The following CDH8 variants were observed in gnomAD, a reference collection of about 807,000 sequenced individuals.
The protein encoded by CDH8 is cadherin-8.
In CDH8, 17 loss-of-function variants were observed where a neutral mutation model predicts 68.1. The observed-to-expected ratio is 0.25, with a 90% confidence interval of 0.17 to 0.37. CDH8 has a LOEUF of 0.37. CDH8 is among the 10% of genes least tolerant of loss of function. The pLI, the probability that CDH8 is intolerant of heterozygous loss-of-function variation, is 1.00. For synonymous variants in CDH8, 372 were observed against 365.1 expected, an observed-to-expected ratio of 1.02 and a Z score of -0.21; for missense variants, 763 against 999.3, an observed-to-expected ratio of 0.76 and a Z score of 3.19.
chr16:61,925,878 A>C (rs1440779846), intron 2 of CDH8, among the ~76,000 whole-genome samples: 1 of 152,226 alleles, frequency 6.6e-6, no homozygotes, highest in African/African-American at 2.4e-5. Context: ...AGGTGACTCC[A>C]ACCAGGATCA....
At chr16:61,902,994 T>G (rs934370489) in intron 2 of CDH8, among the ~76,000 whole-genome samples, 5 of 152,202 alleles carry the variant, frequency 3.3e-5, no homozygotes, top group Admixed American at 2.0e-4. Context: ...ATGCACATGT[T>G]AACATTTTCA....
At chr16:62,009,681 T>C (rs1370121428) in intron 2 of CDH8, among the ~76,000 whole-genome samples, 3 of 152,186 alleles carry the variant, frequency 2.0e-5, no homozygotes, top group Non-Finnish European at 4.4e-5. Flanking sequence ...ATGCTACAGC[T>C]CTGGCGTGGT....
rs560982204 is a variant in CDH8, at chr16:62,008,848, CT to C, written c.252+12303del. ...TGATTTCTGAAAACATCTCGAAAAG[CT>C]GATTATAAATGTTCCTACAAAGTCA... On this transcript the variant is annotated intron_variant, in intron 2 of 11. Transcript: ENST00000577390. 1.4e-4 allele frequency among the ~76,000 whole-genome samples: 21 copies of C among 152,098 alleles called. No individual in the cohort carries two copies. The South Asian group carries it at 2.9e-3, about 21-fold the overall frequency.
At chr16:62,026,160 C>T (rs977928025) in intron 1 of CDH8, among the ~76,000 whole-genome samples, 2 of 152,084 alleles carry the variant, frequency 1.3e-5, no homozygotes, top group African/African-American at 4.8e-5. Context: ...TTTAAGCTTC[C>T]GAATGACCAT....
At chr16:61,734,161 T>C (rs971280911) in intron 8 of CDH8, among the ~76,000 whole-genome samples, 2 of 152,040 alleles carry the variant, frequency 1.3e-5, no homozygotes, top group Admixed American at 6.6e-5. Flanking sequence ...GACTGAGAGA[T>C]ATGAAGAAAA....
intron 10 of CDH8, among the ~76,000 whole-genome samples, chr16:61,673,038 T>G (rs748820568): frequency 2.6e-4 from 40 of 152,082 alleles, no homozygotes; most frequent in Non-Finnish European, 5.9e-5. Context: ...TGAACCAAAT[T>G]CTGAAACTCT....
chr16:61,762,369 A>G (rs1314606531), intron 8 of CDH8, among the ~76,000 whole-genome samples: 1 of 152,198 alleles, frequency 6.6e-6, no homozygotes, highest in Admixed American at 6.5e-5. Context: ...GTCTCTCTGT[A>G]TTATTTCTTA....
chr16:61,844,743 G>T (rs187129612), intron 4 of CDH8, among the ~76,000 whole-genome samples: 1 of 152,272 alleles, frequency 6.6e-6, no homozygotes, highest in Admixed American at 6.5e-5. Context: ...ATGGGTCAGG[G>T]TGGGTTCCTT....
chr16:61,684,660 T>C (rs1964074613), intron 10 of CDH8, among the ~76,000 whole-genome samples: 1 of 152,022 alleles, frequency 6.6e-6, no homozygotes, highest in South Asian at 2.1e-4. Flanking sequence ...AATCATTTTT[T>C]GGCCGTCCAG....
At chr16:61,778,182 G>C (rs1167228680) in intron 8 of CDH8, among the ~76,000 whole-genome samples, 1 of 151,964 alleles carries the variant, frequency 6.6e-6, no homozygotes, top group Admixed American at 6.6e-5. Context: ...CTCAATAATA[G>C]CTTCTCTCCC....
chr16:61,860,712 A>G (rs1963134760), intron 3 of CDH8, among the ~76,000 whole-genome samples: 1 of 152,198 alleles, frequency 6.6e-6, no homozygotes, highest in African/African-American at 2.4e-5. Context: ...CAGTCACTGC[A>G]TATGTAATCG....
At chr16:61,877,900 A>G (rs183439526) in intron 3 of CDH8, among the ~76,000 whole-genome samples, 1 of 152,296 alleles carries the variant, frequency 6.6e-6, no homozygotes, top group African/African-American at 2.4e-5. Flanking sequence ...AAAGAAAAAG[A>G]AATTGAATGA....
At chr16:61,699,808 A>G (rs1964389182) in intron 10 of CDH8, among the ~76,000 whole-genome samples, 1 of 152,022 alleles carries the variant, frequency 6.6e-6, no homozygotes, top group Non-Finnish European at 1.5e-5. Context: ...ACTCCTGACC[A>G]TAGGTGATCT....
At chr16:61,920,904 C>G (rs1460175666) in intron 2 of CDH8, among the ~76,000 whole-genome samples, 2 of 137,200 alleles carry the variant, frequency 1.5e-5, no homozygotes, top group Non-Finnish European at 3.1e-5. Flanking sequence ...CACATATACA[C>G]CATGGAATAC....
At chr16:61,726,998 C>A in intron 9 of CDH8, 96 bp downstream of exon 9, 1 of 1,314,286 alleles carries the variant, frequency 7.6e-7, no homozygotes, top group South Asian at 1.3e-5. Context: ...CTTTGCAGAT[C>A]ATAAATGATG....
chr16:61,862,655 GTCAAGTGAT>G (rs1175604512), intron 3 of CDH8, among the ~76,000 whole-genome samples: 1 of 152,130 alleles, frequency 6.6e-6, no homozygotes, highest in Non-Finnish European at 1.5e-5. Context: ...GGGTGCATTT[GTCAAGTGAT>G]TGCCCATGGG....
At chr16:61,953,103 T>C (rs1964923045) in intron 2 of CDH8, among the ~76,000 whole-genome samples, 2 of 152,162 alleles carry the variant, frequency 1.3e-5, no homozygotes, top group Admixed American at 6.5e-5. Flanking sequence ...CCTTCCACCA[T>C]GTGGGGACAC....
At chr16:61,919,543 T>C (rs1964321738) in intron 2 of CDH8, among the ~76,000 whole-genome samples, 1 of 148,682 alleles carries the variant, frequency 6.7e-6, no homozygotes, top group Non-Finnish European at 1.5e-5. Context: ...GCCGATGAGA[T>C]CAACTGGAAG....
At chr16:61,717,693 T>C (rs1293906920) in intron 9 of CDH8, among the ~76,000 whole-genome samples, 2 of 151,468 alleles carry the variant, frequency 1.3e-5, no homozygotes, top group Non-Finnish European at 3.0e-5. Flanking sequence ...TGAGTTCCTG[T>C]AGATATTATT....
Sources: gnomAD v4.1 joint callset for allele counts (sites outside exome capture counted in the v4.1 genomes callset) on GRCh38, gnomAD v4.1.1 for gene constraint, MANE v1.5 for transcripts, NCBI Gene and HGNC (gene_info 2026-07-23, HGNC 2026-07-21) for gene names.